The following MEF2C variants were observed in gnomAD, a reference collection of about 807,000 sequenced individuals.
The protein encoded by MEF2C is myocyte-specific enhancer factor 2C.
A neutral mutation model predicts 50.5 loss-of-function variants in MEF2C; 6 were observed. The observed-to-expected ratio is 0.12, with a 90% CI of 0.07 to 0.23. MEF2C has a LOEUF of 0.23. Ranked by LOEUF, MEF2C falls within the 10% of genes least tolerant of loss-of-function variation. The pLI is 1.00. For synonymous variants in MEF2C, 183 were observed against 228.0 expected, an observed-to-expected ratio of 0.80 and a Z score of 1.78; for missense variants, 276 against 605.0, an observed-to-expected ratio of 0.46 and a Z score of 5.70.
At chr5:88,842,902 G>A (rs1445570879) in intron 1 of MEF2C, among the ~76,000 whole-genome samples, 4 of 152,184 alleles carry the variant, frequency 2.6e-5, no homozygotes, top group Admixed American at 6.5e-5. Flanking sequence ...GAAATTAAGC[G>A]TGGGTTCTAT....
chr5:88,855,446 C>A (rs1822964676), intron 1 of MEF2C, among the ~76,000 whole-genome samples: 1 of 152,118 alleles, frequency 6.6e-6, no homozygotes, highest in South Asian at 2.1e-4. Flanking sequence ...AAAGAATAAA[C>A]TAGTTAGTTG....
chr5:88,770,689 CT>C (rs1418829562), intron 3 of MEF2C, among the ~76,000 whole-genome samples: 1 of 152,178 alleles, frequency 6.6e-6, no homozygotes, highest in Non-Finnish European at 1.5e-5. Flanking sequence ...AATTTCTTGA[CT>C]CACCTATCGT....
chr5:88,743,315 C>T, intron 6 of MEF2C: 1 of 985,300 alleles, frequency 1.0e-6, no homozygotes, highest in Non-Finnish European at 1.2e-6. Flanking sequence ...AACCACTTCA[C>T]TGATATTTTA....
chr5:88,760,925 G>C, intron 4 of MEF2C: 1 of 1,521,948 alleles, frequency 6.6e-7, no homozygotes, highest in Non-Finnish European at 8.8e-7. Context: ...CCATCACTGA[G>C]AGGGTTAAGG....
intron 2 of MEF2C, among the ~76,000 whole-genome samples, chr5:88,808,159 T>C (rs1308963204): frequency 3.9e-5 from 6 of 152,198 alleles, no homozygotes; most frequent in Admixed American, 3.9e-4. Context: ...AGAGCTGCAC[T>C]AAATGTCTTT....
chr5:88,763,805 C>A (rs1778867523), intron 3 of MEF2C, among the ~76,000 whole-genome samples: 1 of 151,914 alleles, frequency 6.6e-6, no homozygotes, highest in African/African-American at 2.4e-5. Context: ...CAGGTGTGTG[C>A]CACCACACCT....
intron 3 of MEF2C, among the ~76,000 whole-genome samples, chr5:88,797,453 GC>G (rs145421248): frequency 0.074 from 3,038 of 40,922 alleles, 878 homozygotes; most frequent in Non-Finnish European, 0.087. Flanking sequence ...TGCAACCCTT[GC>G]CTTTTTTTTT....
chr5:88,798,090 T>C (rs1562094822), intron 3 of MEF2C, among the ~76,000 whole-genome samples: 1 of 152,210 alleles, frequency 6.6e-6, no homozygotes, highest in Non-Finnish European at 1.5e-5. Flanking sequence ...TTTTCCTTCA[T>C]TCCAACCTTG....
In MEF2C at chr5:88,723,063, C is replaced by A. The variant is rs546652407; in HGVS notation, c.1101-138G>T. ...AGAGTGAAGAAAACGTGCTTGGAAG[C>A]ACATAAGGGCATCGCCTTCTCAGGG... On this transcript the variant is annotated intron_variant, in intron 10 of 10. Coordinates refer to ENST00000504921, the MANE Select transcript of MEF2C (RefSeq NM_002397.5). The A allele has an allele frequency of 2.6e-5, 20 of 760,784 alleles. No individual in the cohort carries two copies. In the African/African-American group the frequency reaches 3.3e-4, roughly 13 times the overall value. 47.1% of individuals were successfully genotyped at this position (760,784 alleles called of 1,614,324 possible).
At chr5:88,723,941 T>C (rs1195721176) in intron 10 of MEF2C, among the ~76,000 whole-genome samples, 2 of 152,210 alleles carry the variant, frequency 1.3e-5, no homozygotes, top group Non-Finnish European at 2.9e-5. Context: ...TATTAAGCCC[T>C]TAAGTGTAGA....
At chr5:88,740,851 GCTGT>G (rs1766363478) in intron 6 of MEF2C, 3 of 985,284 alleles carry the variant, frequency 3.0e-6, no homozygotes, top group Non-Finnish European at 2.4e-6. Context: ...AGATTTTGGG[GCTGT>G]CTCTTTGCTA....
At chr5:88,841,536 A>C (rs973969896) in intron 1 of MEF2C, among the ~76,000 whole-genome samples, 1 of 151,174 alleles carries the variant, frequency 6.6e-6, no homozygotes, top group African/African-American at 2.4e-5. Context: ...AGAAAAAAAG[A>C]AGCAAAGAAA....
At chr5:88,889,128 C>T (rs1342696217) in intron 1 of MEF2C, 2 of 152,148 alleles carry the variant, frequency 1.3e-5, no homozygotes, top group Non-Finnish European at 2.9e-5. Flanking sequence ...GAAAGCAGAG[C>T]GCTGGGACTC....
chr5:88,793,288 G>A (rs1794604591), intron 3 of MEF2C, among the ~76,000 whole-genome samples: 1 of 152,146 alleles, frequency 6.6e-6, no homozygotes, highest in African/African-American at 2.4e-5. Context: ...TGGAGAGGTT[G>A]AGGAATGTAC....
chr5:88,749,210 T>G (rs1256391414), intron 5 of MEF2C, 93 bp from the exon 6 acceptor site: 2 of 1,356,220 alleles, frequency 1.5e-6, no homozygotes, highest in Non-Finnish European at 2.0e-6. Flanking sequence ...TTTGTCCTCT[T>G]GCAATAGTCA....
intron 6 of MEF2C, chr5:88,740,491 G>A (rs1439728739): frequency 2.0e-6 from 2 of 983,366 alleles, no homozygotes; most frequent in Non-Finnish European, 2.4e-6. Context: ...TGACAGATGA[G>A]GAAACTGAGG....
chr5:88,723,920 G>C (rs2152073184), intron 10 of MEF2C, among the ~76,000 whole-genome samples: 1 of 152,210 alleles, frequency 6.6e-6, no homozygotes, highest in African/African-American at 2.4e-5. Flanking sequence ...TGGAATTCTA[G>C]AGGAAAAAAG....
At chr5:88,751,293 A>C in intron 5 of MEF2C, 1 of 985,452 alleles carries the variant, frequency 1.0e-6, no homozygotes. Context: ...GCAGGTGTAC[A>C]TGTGTTTAAT....
intron 1 of MEF2C, among the ~76,000 whole-genome samples, chr5:88,869,935 AACAC>A (rs1829006462): frequency 6.6e-6 from 1 of 151,412 alleles, no homozygotes; most frequent in South Asian, 2.1e-4. Context: ...AGTGGTGTCA[AACAC>A]TTAGGGAAAT....
Sources: allele counts gnomAD v4.1 joint callset (sites outside exome capture counted in the v4.1 genomes callset), GRCh38; gene constraint gnomAD v4.1.1; transcripts MANE v1.5; gene names NCBI Gene and HGNC (gene_info 2026-07-23, HGNC 2026-07-21).